Variants in TMEFF2 observed in about 807,000 individuals in gnomAD.
TMEFF2 encodes tomoregulin-2.
TMEFF2 carries 28 observed loss-of-function variants against 53.8 expected under a neutral mutation model. The observed-to-expected ratio is 0.52, with a 90% CI of 0.39 to 0.71. The LOEUF is 0.71. Among genes scored for constraint, TMEFF2 ranks in the 30% least tolerant of loss-of-function variants. The pLI is 0.00. For synonymous variants in TMEFF2, 162 were observed against 166.3 expected (o/e 0.97, Z 0.20); for missense variants, 353 against 455.2 (o/e 0.78, Z 2.04).
At chr2:192,009,169 G>A (rs906889425) in intron 5 of TMEFF2, among the ~76,000 whole-genome samples, 1 of 152,070 alleles carries the variant, frequency 6.6e-6, no homozygotes. Flanking sequence ...TTAGATAATC[G>A]AGTCAGTTAT....
chr2:192,103,639 C>A (rs1323176898), intron 4 of TMEFF2, among the ~76,000 whole-genome samples: 1 of 151,992 alleles, frequency 6.6e-6, no homozygotes, highest in African/African-American at 2.4e-5. Context: ...TTGTTTTCAA[C>A]TCTTCAGGTA....
chr2:191,981,616 C>G (rs1007480153), intron 7 of TMEFF2, among the ~76,000 whole-genome samples: 1 of 152,144 alleles, frequency 6.6e-6, no homozygotes, highest in African/African-American at 2.4e-5. Context: ...GCTTTATTTT[C>G]TATTTGCCAT....
At chr2:192,101,417 C>CT (rs900171670) in intron 4 of TMEFF2, among the ~76,000 whole-genome samples, 32 of 152,178 alleles carry the variant, frequency 2.1e-4, no homozygotes, top group Middle Eastern at 3.4e-3. Context: ...AATATAGTTA[C>CT]TTTTTTCTGC....
At chr2:192,001,946 T>A (rs1305042510) in intron 5 of TMEFF2, among the ~76,000 whole-genome samples, 1 of 152,150 alleles carries the variant, frequency 6.6e-6, no homozygotes, top group Non-Finnish European at 1.5e-5. Flanking sequence ...CACTGAAAAA[T>A]TCACTTAAGC....
intron 5 of TMEFF2, among the ~76,000 whole-genome samples, chr2:192,053,239 C>T (rs1206259591): frequency 6.6e-6 from 1 of 151,748 alleles, no homozygotes; most frequent in Non-Finnish European, 1.5e-5. Context: ...TTCTCTTTCC[C>T]CTATTTATTA....
At chr2:192,143,771 T>C (rs1037774226) in intron 4 of TMEFF2, among the ~76,000 whole-genome samples, 1 of 152,150 alleles carries the variant, frequency 6.6e-6, no homozygotes, top group Non-Finnish European at 1.5e-5. Context: ...CACCTTCCTG[T>C]AGCATTCCCT....
chr2:192,194,490 C>T lies in TMEFF2; in HGVS notation c.35G>A (p.Ser12Asn). The T allele has an allele frequency of 1.2e-6, 2 of 1,613,956 alleles. No homozygotes were observed. The highest frequency in any genetic ancestry group is 8.5e-7 in the Non-Finnish European group (1 of 1,180,028). Residue 12 changes from serine (S) to asparagine (N), a missense_variant, in exon 1 of 10, where the codon AGC becomes AAC. Ser to Asn is a conservative substitution (Grantham distance 46). Transcript: ENST00000272771. This position sits in a 1 kb window ranked among gnomAD's most constrained non-coding sequence, Gnocchi z 4.2. ...VLWESPRQCS[S>N]WTLCEGFCWL... ...GCAAAAGCCCTCGCAAAGTGTCCAGCTGCTGCACTGCCGCGGGGACTCCCA... is the reference window on the plus strand; with the variant it reads ...GCAAAAGCCCTCGCAAAGTGTCCAGTTGCTGCACTGCCGCGGGGACTCCCA...
chr2:192,098,308 G>C (rs972785248), intron 4 of TMEFF2, among the ~76,000 whole-genome samples: 1 of 152,254 alleles, frequency 6.6e-6, no homozygotes, highest in South Asian at 2.1e-4. Context: ...AAAATTATGT[G>C]TGTTTAATAT....
At chr2:191,959,825 A>C (rs1692220331) in intron 7 of TMEFF2, among the ~76,000 whole-genome samples, 1 of 152,158 alleles carries the variant, frequency 6.6e-6, no homozygotes, top group Admixed American at 6.5e-5. Flanking sequence ...AGGTTGGCCA[A>C]AGAAGTCCTG....
intron 4 of TMEFF2, among the ~76,000 whole-genome samples, chr2:192,128,329 C>T (rs1689728120): frequency 6.6e-6 from 1 of 152,138 alleles, no homozygotes; most frequent in African/African-American, 2.4e-5. Flanking sequence ...TAAGAATATT[C>T]TTAGTTTCTA....
intron 4 of TMEFF2, among the ~76,000 whole-genome samples, chr2:192,064,633 A>G (rs993618036): frequency 2.0e-5 from 3 of 151,886 alleles, no homozygotes; most frequent in Non-Finnish European, 4.4e-5. Context: ...TAAAAGGATT[A>G]TATGTTTCTT....
At chr2:191,986,447 A>C (rs748886614) in intron 7 of TMEFF2, among the ~76,000 whole-genome samples, 6 of 152,232 alleles carry the variant, frequency 3.9e-5, no homozygotes, top group Non-Finnish European at 7.3e-5. Flanking sequence ...AACTAAAAGA[A>C]AAACAACTTC....
intron 4 of TMEFF2, among the ~76,000 whole-genome samples, chr2:192,104,081 A>C (rs1689094184): frequency 6.6e-6 from 1 of 152,138 alleles, no homozygotes. Flanking sequence ...TAAAGCAGGG[A>C]GAACTAAGAG....
chr2:192,119,504 T>C (rs926210230), intron 4 of TMEFF2, among the ~76,000 whole-genome samples: 1 of 152,222 alleles, frequency 6.6e-6, no homozygotes, highest in African/African-American at 2.4e-5. Context: ...TAGATTCATC[T>C]CTCAATATAT....
At chr2:191,967,408 G>A (rs1433060811) in intron 7 of TMEFF2, among the ~76,000 whole-genome samples, 3 of 151,996 alleles carry the variant, frequency 2.0e-5, no homozygotes, top group African/African-American at 7.2e-5. Flanking sequence ...CTAATTTTAA[G>A]GATAAAATAG....
intron 2 of TMEFF2, among the ~76,000 whole-genome samples, chr2:192,186,977 CA>C (rs1296359653): frequency 6.6e-6 from 1 of 152,142 alleles, no homozygotes; most frequent in Non-Finnish European, 1.5e-5. Context: ...GTTCTAAAAA[CA>C]GAGCTGCCAA....
intron 5 of TMEFF2, 110 bp downstream of exon 5, chr2:192,057,547 TTTTTTCACTTGGGAACTGAATA>T (rs1191486789): frequency 3.6e-6 from 3 of 823,494 alleles, no homozygotes; most frequent in Non-Finnish European, 3.9e-6. Context: ...CCCTCATTTT[TTTTTTCACTTGGGAACTGAATA>T]AGAAAATAAA....
chr2:192,048,534 T>A (rs1347141391), intron 5 of TMEFF2, among the ~76,000 whole-genome samples: 2 of 152,096 alleles, frequency 1.3e-5, no homozygotes, highest in African/African-American at 4.8e-5. Flanking sequence ...TAAAACCCAT[T>A]TTAATATAAC....
intron 4 of TMEFF2, among the ~76,000 whole-genome samples, chr2:192,160,684 T>C (rs965391665): frequency 6.6e-6 from 1 of 151,892 alleles, no homozygotes; most frequent in African/African-American, 2.4e-5. Context: ...AAAAAATACA[T>C]TTAACATTAC....
Sources: gnomAD v4.1 joint callset for allele counts (sites outside exome capture counted in the v4.1 genomes callset) on GRCh38, gnomAD v4.1.1 for gene constraint, Gnocchi (gnomAD v3.1) non-coding constraint, MANE v1.5 for transcripts, NCBI Gene and HGNC (gene_info 2026-07-23, HGNC 2026-07-21) for gene names.